Variants in ASH1L observed in about 807,000 individuals in gnomAD.
The protein encoded by ASH1L is histone-lysine N-methyltransferase ASH1L.
ASH1L carries 23 observed loss-of-function variants against 269.0 expected under a neutral mutation model. The ratio of observed to expected loss-of-function variants is 0.09; its 90% CI spans 0.06 to 0.12. The LOEUF (loss-of-function observed/expected upper bound fraction) is 0.12, where lower values mean the gene tolerates loss of function less well. Among genes scored for constraint, ASH1L ranks in the 10% least tolerant of loss-of-function variants. The probability of loss-of-function intolerance (pLI) is 1.00; values close to 1 mark genes in which losing one functional copy is unlikely to be tolerated. For synonymous variants in ASH1L, 1,187 were observed against 1,253.5 expected (o/e 0.95, Z 1.12); for missense variants, 2,912 against 3,567.8 (o/e 0.82, Z 4.68).
Position 155,352,877 on chromosome 1 carries a change from A to C in ASH1L, c.7214-19T>G. 1 of 1,582,046 alleles carries C rather than the reference A, an allele frequency of 6.3e-7. No homozygotes were observed. The highest frequency in any genetic ancestry group is 8.6e-7 in the Non-Finnish European group (1 of 1,167,022). ...AAGACATCTGGAAAAATAAAGTGAA[A>C]ATTAAGTTACAGGAAACAAGGAGCT... On this transcript the variant is annotated intron_variant, in intron 16 of 27. Transcript: ENST00000392403.
chr1:155,400,164 G>A (rs1247520195), intron 6 of ASH1L, among the ~76,000 whole-genome samples: 5 of 151,914 alleles, frequency 3.3e-5, no homozygotes, highest in Non-Finnish European at 7.4e-5. Context: ...TGGCTAACAC[G>A]GTGAAACCCC....
intron 2 of ASH1L, among the ~76,000 whole-genome samples, chr1:155,502,240 T>A (rs1570999713): frequency 1.3e-5 from 2 of 151,474 alleles, no homozygotes; most frequent in Admixed American, 6.6e-5. Flanking sequence ...CCAGCTAATT[T>A]TTTGTATTTT....
intron 10 of ASH1L, among the ~76,000 whole-genome samples, chr1:155,372,173 G>A (rs1188900586): frequency 6.6e-6 from 1 of 151,588 alleles, no homozygotes; most frequent in African/African-American, 2.4e-5. Flanking sequence ...TGTATTTTTA[G>A]TAGAGATGGG....
chr1:155,496,303 ATTATACTC>A (rs1213917303), intron 2 of ASH1L, among the ~76,000 whole-genome samples: 1 of 152,246 alleles, frequency 6.6e-6, no homozygotes, highest in Non-Finnish European at 1.5e-5. Context: ...TTTCAGCTCC[ATTATACTC>A]TTATGGGACC....
chr1:155,483,891 G>GA (rs1337967309), intron 2 of ASH1L, among the ~76,000 whole-genome samples: 9 of 151,976 alleles, frequency 5.9e-5, no homozygotes, highest in African/African-American at 1.2e-4. Context: ...ATTATTAAAT[G>GA]AAAAAAAGCA....
chr1:155,382,231 G>A (rs1657034575), intron 7 of ASH1L, among the ~76,000 whole-genome samples: 1 of 151,928 alleles, frequency 6.6e-6, no homozygotes, highest in Non-Finnish European at 1.5e-5. Flanking sequence ...GGGCGTGGTG[G>A]CTCACGCCTG....
intron 6 of ASH1L, among the ~76,000 whole-genome samples, chr1:155,403,377 T>C (rs1243164372): frequency 2.0e-5 from 3 of 152,004 alleles, no homozygotes; most frequent in African/African-American, 7.2e-5. Context: ...CTAAGTAAAG[T>C]AGGGAAAAGT....
intron 4 of ASH1L, 44 bp from the exon 5 acceptor site, chr1:155,439,112 C>G: frequency 6.5e-7 from 1 of 1,539,676 alleles, no homozygotes; most frequent in Non-Finnish European, 8.7e-7. Context: ...TTGGACACGG[C>G]TAGTTATTTA....
chr1:155,545,575 T>C (rs1396747840), intron 1 of ASH1L, among the ~76,000 whole-genome samples: 2 of 151,376 alleles, frequency 1.3e-5, no homozygotes, highest in East Asian at 1.9e-4. Flanking sequence ...TATGAATGAT[T>C]ACACACCAAA....
In ASH1L at chr1:155,478,944, T is replaced by C. The variant is rs765560386; in HGVS notation, c.3926A>G (p.His1309Arg). Residue 1309 changes from histidine to arginine, a missense_variant, in exon 3 of 28, where the codon CAT becomes CGT. Physicochemically the swap from His to Arg is conservative, Grantham distance 29 (BLOSUM62 0). Transcript: ENST00000392403. This position sits in a 1 kb window ranked among gnomAD's most constrained non-coding sequence, Gnocchi z 4.6. The stretch of plus-strand genomic sequence containing the variant: ...TGGCAGAAGATCTCGGGGGATAAAA[T>C]GATGACTTCGATGAGTGATCCGAAT... ...SEIRITHRSH[H>R]FIPRDLLPTI... 1 of 1,613,772 alleles carries C rather than the reference T, an allele frequency of 6.2e-7. No homozygotes were observed. The highest frequency in any genetic ancestry group is 8.5e-7 in the Non-Finnish European group (1 of 1,180,016).
chr1:155,353,507 TA>T (rs1558023852), intron 16 of ASH1L, among the ~76,000 whole-genome samples: 1 of 151,892 alleles, frequency 6.6e-6, no homozygotes, highest in Non-Finnish European at 1.5e-5. Flanking sequence ...AGGAAAGGAT[TA>T]AAAAAAAGAG....
chr1:155,512,663 G>A (rs952390217), intron 2 of ASH1L, among the ~76,000 whole-genome samples: 1 of 151,414 alleles, frequency 6.6e-6, no homozygotes, highest in Non-Finnish European at 1.5e-5. Flanking sequence ...TATTGTTCAG[G>A]CTGGTCTCAA....
At chr1:155,428,390 C>T (rs1209042586) in intron 5 of ASH1L, among the ~76,000 whole-genome samples, 3 of 151,416 alleles carry the variant, frequency 2.0e-5, no homozygotes, top group Non-Finnish European at 4.4e-5. Flanking sequence ...TGCAGTAAGC[C>T]GAGATTGTGC....
At chr1:155,443,539 A>C (rs1662762822) in intron 4 of ASH1L, among the ~76,000 whole-genome samples, 1 of 152,224 alleles carries the variant, frequency 6.6e-6, no homozygotes, top group African/African-American at 2.4e-5. Flanking sequence ...TAACCAATAT[A>C]TAGAACATTT....
At chr1:155,378,571 T>C in intron 8 of ASH1L, 23 bp from the exon 9 acceptor site, 3 of 1,587,980 alleles carry the variant, frequency 1.9e-6, no homozygotes, top group Non-Finnish European at 2.6e-6. Context: ...AAGAAAAATC[T>C]TGATATAGCA....
At chr1:155,438,076 C>T (rs1011717533) in intron 5 of ASH1L, among the ~76,000 whole-genome samples, 2 of 152,094 alleles carry the variant, frequency 1.3e-5, no homozygotes, top group African/African-American at 4.8e-5. Flanking sequence ...TTGAACTCCT[C>T]ACCTCAAGTG....
At chr1:155,505,372 C>T (rs1667743498) in intron 2 of ASH1L, among the ~76,000 whole-genome samples, 1 of 152,124 alleles carries the variant, frequency 6.6e-6, no homozygotes, top group African/African-American at 2.4e-5. Context: ...ATATACACTC[C>T]GTATGTATTT....
At chr1:155,537,701 G>T (rs530058893) in intron 1 of ASH1L, among the ~76,000 whole-genome samples, 1 of 151,728 alleles carries the variant, frequency 6.6e-6, no homozygotes, top group African/African-American at 2.4e-5. Context: ...AAATCTTTGT[G>T]ACTTTGGGTT....
chr1:155,495,559 T>G (rs986059350), intron 2 of ASH1L, among the ~76,000 whole-genome samples: 3 of 152,200 alleles, frequency 2.0e-5, no homozygotes, highest in African/African-American at 7.2e-5. Context: ...GAATGGAGCT[T>G]GCAAGACTGT....
Sources: allele counts gnomAD v4.1 joint callset (sites outside exome capture counted in the v4.1 genomes callset), GRCh38; gene constraint gnomAD v4.1.1; non-coding constraint Gnocchi (gnomAD v3.1); transcripts MANE v1.5; gene names NCBI Gene and HGNC (gene_info 2026-07-23, HGNC 2026-07-21).